The following ATF6 variants were observed in gnomAD, a reference collection of about 807,000 sequenced individuals.
ATF6 encodes cyclic AMP-dependent transcription factor ATF-6 alpha.
In ATF6, 53 loss-of-function variants were observed where a neutral mutation model predicts 83.6. The ratio of observed to expected loss-of-function variants is 0.63; its 90% CI spans 0.51 to 0.80. The LOEUF is 0.80. Among genes scored for constraint, ATF6 ranks in the 30% least tolerant of loss-of-function variants. ATF6 has a pLI of 0.00. For synonymous variants in ATF6, 288 were observed against 285.8 expected (o/e 1.01, Z -0.08); for missense variants, 744 against 797.9 (o/e 0.93, Z 0.81).
rs1689112004 is a variant in ATF6 at position 161,962,094 on chromosome 1, C to T, written c.*3440C>T. 1 of 151,504 alleles carries T rather than the reference C, an allele frequency of 6.6e-6. No homozygotes were observed. The highest frequency in any genetic ancestry group is 1.5e-5 in the Non-Finnish European group (1 of 67,922). The allele number at this position is 151,504 out of a possible 1,614,324, so 9.4% of individuals were successfully genotyped here. On this transcript the variant is annotated 3_prime_UTR_variant, in exon 16 of 16. Transcript: ENST00000367942. ...TTGTGTTTTCACAAGTAAAAAATCC[C>T]TCACGATTATAAAACTCAGAGCATC... is the stretch of plus-strand genomic sequence containing the variant.
chr1:161,958,714 A>C lies in ATF6; in HGVS notation c.*60A>C. ...ACCCTGCCAGACTGAAGAGCAGGTG[A>C]GCAAAATGCTGCTTTCTGCCTTGGT... On this transcript the variant is annotated 3_prime_UTR_variant, in exon 16 of 16. Coordinates refer to ENST00000367942, the MANE Select transcript of ATF6 (RefSeq NM_007348.4). 7.1e-7 allele frequency: 1 copy of C among 1,404,738 alleles called. No individual in the cohort carries two copies. Among genetic ancestry groups the C allele is most frequent in the Non-Finnish European group, 9.6e-7 (1 of 1,038,568 alleles). 87.0% of individuals were successfully genotyped at this position (1,404,738 alleles called of 1,614,324 possible).
At chr1:161,868,370 A>G (rs918137432) in intron 14 of ATF6, among the ~76,000 whole-genome samples, 4 of 152,128 alleles carry the variant, frequency 2.6e-5, no homozygotes, top group Non-Finnish European at 5.9e-5. Context: ...CTACTATACC[A>G]CACAGCCTGT....
intron 7 of ATF6, among the ~76,000 whole-genome samples, chr1:161,804,636 T>C (rs991867594): frequency 1.3e-5 from 2 of 151,526 alleles, no homozygotes; most frequent in African/African-American, 4.8e-5. Flanking sequence ...GGTTTTTTGA[T>C]ACAATCATTG....
chr1:161,937,738 C>T (rs1317363948), intron 15 of ATF6, among the ~76,000 whole-genome samples: 4 of 109,410 alleles, frequency 3.7e-5, no homozygotes, highest in Non-Finnish European at 7.4e-5. Flanking sequence ...CGGGGCCTTT[C>T]GGGGGGTGGG....
At chr1:161,932,769 G>A (rs141793425) in intron 15 of ATF6, among the ~76,000 whole-genome samples, 177 of 152,284 alleles carry the variant, frequency 1.2e-3, no homozygotes, top group Non-Finnish European at 6.0e-4. Context: ...TTTAAGTCAG[G>A]CTGCTGGCTG....
At chr1:161,953,443 T>C (rs1310272871) in intron 15 of ATF6, among the ~76,000 whole-genome samples, 1 of 152,122 alleles carries the variant, frequency 6.6e-6, no homozygotes, top group Non-Finnish European at 1.5e-5. Context: ...TGTGACATCA[T>C]TATAGATCAT....
intron 1 of ATF6, among the ~76,000 whole-genome samples, chr1:161,766,665 T>C (rs1489012365): frequency 6.6e-6 from 1 of 152,182 alleles, no homozygotes; most frequent in Non-Finnish European, 1.5e-5. Flanking sequence ...GAGTTAACTG[T>C]CGTTTTTCAC....
intron 4 of ATF6, among the ~76,000 whole-genome samples, chr1:161,787,213 A>G (rs1368219083): frequency 1.3e-5 from 2 of 152,162 alleles, no homozygotes; most frequent in Non-Finnish European, 2.9e-5. Flanking sequence ...TATGCCATAC[A>G]TATTTTGTGA....
At chr1:161,801,946 G>C (rs984673786) in intron 6 of ATF6, 106 bp from the exon 7 acceptor site, 3 of 932,244 alleles carry the variant, frequency 3.2e-6, no homozygotes, top group Non-Finnish European at 5.0e-6. Flanking sequence ...CAATCCCTTG[G>C]TGTTGATCTT....
At chr1:161,871,141 T>G (rs1252141830) in intron 14 of ATF6, among the ~76,000 whole-genome samples, 1 of 151,750 alleles carries the variant, frequency 6.6e-6, no homozygotes, top group Non-Finnish European at 1.5e-5. Context: ...TATGTCCTAC[T>G]CTTCAAAAGA....
intron 6 of ATF6, among the ~76,000 whole-genome samples, chr1:161,800,913 G>A (rs528720532): frequency 1.8e-4 from 27 of 152,280 alleles, no homozygotes; most frequent in African/African-American, 4.8e-4. Context: ...TGTTATGACT[G>A]TATGCTGCTT....
chr1:161,911,544 G>A (rs933704407), intron 14 of ATF6, among the ~76,000 whole-genome samples: 2 of 152,202 alleles, frequency 1.3e-5, no homozygotes, highest in Non-Finnish European at 2.9e-5. Context: ...ATACAATTGT[G>A]CTAGGCATGT....
At chr1:161,905,049 A>G (rs994041758) in intron 14 of ATF6, among the ~76,000 whole-genome samples, 1 of 152,358 alleles carries the variant, frequency 6.6e-6, no homozygotes, top group South Asian at 2.1e-4. Flanking sequence ...TTTGAAAAGG[A>G]TCAAGATCTG....
At chr1:161,770,339 T>A (rs1462121767) in intron 1 of ATF6, among the ~76,000 whole-genome samples, 1 of 152,260 alleles carries the variant, frequency 6.6e-6, no homozygotes, top group Non-Finnish European at 1.5e-5. Context: ...TATAGCCTAT[T>A]AGTCTGCCTA....
chr1:161,816,062 T>C (rs1685604054), intron 7 of ATF6, among the ~76,000 whole-genome samples: 1 of 152,280 alleles, frequency 6.6e-6, no homozygotes, highest in South Asian at 2.1e-4. Context: ...TATATAAGTC[T>C]TTCTTACAGT....
intron 15 of ATF6, among the ~76,000 whole-genome samples, chr1:161,947,810 CTTTTTTTTTTTT>C (rs10524670): frequency 1.4e-4 from 8 of 57,580 alleles, no homozygotes; most frequent in South Asian, 9.5e-4. Flanking sequence ...TAAGCCACGC[CTTTTTTTTTTTT>C]TTTTTTTTTT....
At chr1:161,819,241 G>A (rs900157400) in intron 7 of ATF6, among the ~76,000 whole-genome samples, 2 of 152,150 alleles carry the variant, frequency 1.3e-5, no homozygotes, top group Non-Finnish European at 2.9e-5. Flanking sequence ...ATAACTGTAA[G>A]AAGTGGCCTT....
At chr1:161,818,538 A>G (rs768694384) in intron 7 of ATF6, among the ~76,000 whole-genome samples, 4 of 152,208 alleles carry the variant, frequency 2.6e-5, no homozygotes, top group Admixed American at 1.3e-4. Flanking sequence ...GTGTTCCAGT[A>G]TATCCTCCAA....
chr1:161,833,655 A>C (rs529805075), intron 9 of ATF6, among the ~76,000 whole-genome samples: 1 of 152,356 alleles, frequency 6.6e-6, no homozygotes, highest in South Asian at 2.1e-4. Context: ...AAAGGGTATC[A>C]GCGATGGAAG....
Sources: allele counts gnomAD v4.1 joint callset (sites outside exome capture counted in the v4.1 genomes callset), GRCh38; gene constraint gnomAD v4.1.1; transcripts MANE v1.5; gene names NCBI Gene and HGNC (gene_info 2026-07-23, HGNC 2026-07-21).